Variants in CRPPA observed in about 807,000 individuals in gnomAD.
CRPPA encodes CDP-L-ribitol pyrophosphorylase A, also known as D-ribitol-5-phosphate cytidylyltransferase.
Under a neutral mutation model 52.0 loss-of-function variants are expected in CRPPA, and 43 were observed. The observed-to-expected ratio is 0.83, with a 90% CI of 0.65 to 1.07. CRPPA has a LOEUF of 1.07. Among genes scored for constraint, CRPPA ranks in the 50% least tolerant of loss-of-function variants. The pLI is 0.00. For missense variants in CRPPA, 629 were observed against 551.7 expected, an observed-to-expected ratio of 1.14 and a Z score of -1.40; for synonymous variants, 250 against 203.5, an observed-to-expected ratio of 1.23 and a Z score of -1.94.
At chr7:16,219,248 A>T (rs1265258985) in intron 8 of CRPPA, among the ~76,000 whole-genome samples, 4 of 151,178 alleles carry the variant, frequency 2.6e-5, no homozygotes, top group Non-Finnish European at 5.9e-5. Flanking sequence ...AATCAATGAG[A>T]ACAAAGACAC....
chr7:16,251,599 A>T (rs913830181), intron 8 of CRPPA, among the ~76,000 whole-genome samples: 2 of 152,236 alleles, frequency 1.3e-5, no homozygotes, highest in Non-Finnish European at 2.9e-5. Context: ...AACTACATGG[A>T]AACTGAACAA....
intron 9 of CRPPA, among the ~76,000 whole-genome samples, chr7:16,185,441 C>T (rs1055522661): frequency 5.3e-5 from 8 of 152,090 alleles, no homozygotes; most frequent in African/African-American, 1.9e-4. Flanking sequence ...CACCATGGCT[C>T]ATTTTACTAA....
intron 6 of CRPPA, 29 bp from the exon 7 acceptor site, chr7:16,259,041 C>T (rs766147885): frequency 1.4e-6 from 2 of 1,459,660 alleles, no homozygotes; most frequent in Non-Finnish European, 1.9e-6. Flanking sequence ...AATGAATTCA[C>T]AAATTAGATA....
intron 3 of CRPPA, among the ~76,000 whole-genome samples, chr7:16,337,793 C>T (rs1344098971): frequency 6.6e-6 from 1 of 152,066 alleles, no homozygotes; most frequent in Non-Finnish European, 1.5e-5. Flanking sequence ...TTCCTAAACA[C>T]AGACAACCTA....
chr7:16,411,367 G>A (rs1490657255), intron 1 of CRPPA, among the ~76,000 whole-genome samples: 2 of 151,988 alleles, frequency 1.3e-5, no homozygotes, highest in African/African-American at 4.8e-5. Context: ...GAAAAATCCA[G>A]GAGAGAAAAA....
chr7:16,322,819 G>C (rs1341745599), intron 3 of CRPPA, among the ~76,000 whole-genome samples: 1 of 152,130 alleles, frequency 6.6e-6, no homozygotes, highest in Non-Finnish European at 1.5e-5. Flanking sequence ...AAATACCCGA[G>C]ACTTGGGAAT....
chr7:16,236,628 A>G (rs1782957587), intron 8 of CRPPA, among the ~76,000 whole-genome samples: 1 of 152,164 alleles, frequency 6.6e-6, no homozygotes, highest in Non-Finnish European at 1.5e-5. Context: ...TTAGGTGGCT[A>G]CAGATCTTAA....
intron 2 of CRPPA, among the ~76,000 whole-genome samples, chr7:16,403,136 G>A (rs1336088785): frequency 6.6e-6 from 1 of 151,592 alleles, no homozygotes; most frequent in African/African-American, 2.4e-5. Flanking sequence ...AAATAGTGAG[G>A]GGGGGAAAAA....
At chr7:16,381,013 T>C (rs1284342346) in intron 2 of CRPPA, among the ~76,000 whole-genome samples, 1 of 151,774 alleles carries the variant, frequency 6.6e-6, no homozygotes, top group African/African-American at 2.4e-5. Context: ...TGATTTTAGT[T>C]ATTTCTTGCC....
At chr7:16,181,386 A>T (rs1781409386) in intron 9 of CRPPA, among the ~76,000 whole-genome samples, 1 of 151,962 alleles carries the variant, frequency 6.6e-6, no homozygotes, top group Non-Finnish European at 1.5e-5. Context: ...CTGTTTTATC[A>T]TTCATTAGCT....
intron 9 of CRPPA, among the ~76,000 whole-genome samples, chr7:16,167,255 C>G (rs142901290): frequency 1.4e-4 from 22 of 152,276 alleles, no homozygotes; most frequent in African/African-American, 5.1e-4. Context: ...ACCAACTTCT[C>G]CAAATTTGTA....
intron 9 of CRPPA, 21 bp downstream of exon 9, chr7:16,216,045 G>T: frequency 6.4e-7 from 1 of 1,554,636 alleles, no homozygotes; most frequent in Non-Finnish European, 8.7e-7. Flanking sequence ...CATACATTCG[G>T]AAGATAAACA....
intron 3 of CRPPA, among the ~76,000 whole-genome samples, chr7:16,357,497 T>C (rs1425481271): frequency 6.6e-6 from 1 of 152,150 alleles, no homozygotes; most frequent in Non-Finnish European, 1.5e-5. Flanking sequence ...GGTGATTTTA[T>C]AGATGTGTGC....
At chr7:16,278,301 T>C in intron 5 of CRPPA, 75 bp from the exon 6 acceptor site, 1 of 718,346 alleles carries the variant, frequency 1.4e-6, no homozygotes, top group Non-Finnish European at 2.3e-6. Context: ...AAACATAAAC[T>C]TACCTGATGT....
intron 3 of CRPPA, among the ~76,000 whole-genome samples, chr7:16,360,092 A>T (rs924957022): frequency 6.6e-6 from 1 of 152,250 alleles, no homozygotes; most frequent in Non-Finnish European, 1.5e-5. Flanking sequence ...GCCTAAAGAC[A>T]GATGTTCACG....
intron 3 of CRPPA, among the ~76,000 whole-genome samples, chr7:16,370,111 A>T (rs1433832004): frequency 6.6e-6 from 1 of 152,226 alleles, no homozygotes; most frequent in Admixed American, 6.5e-5. Context: ...TATATTTCAG[A>T]GAAGCCCTCA....
At position 16,286,097 on chromosome 7, in the gene CRPPA, A is replaced by AAAAAATATATATATATAT; in HGVS notation, c.836-7872_836-7871insATATATATATATATTTTT. 1.9e-3 allele frequency among the ~76,000 whole-genome samples: 76 copies of AAAAAATATATATATATAT among 39,110 alleles called. 4 individuals carry two copies. The highest frequency in any genetic ancestry group is 0.029 in the Middle Eastern group (1 of 34). The allele number at this position is 39,110 out of a possible 152,430, so 25.7% of individuals were successfully genotyped here. ...TATATATATAATATTTAAAAAAAAA[A>AAAAAATATATATATATAT]ATATATATATATATATATATGCCAA... On this transcript the variant is annotated intron_variant, in intron 5 of 9. Coordinates refer to ENST00000407010, the MANE Select transcript of CRPPA (RefSeq NM_001101426.4).
At chr7:16,314,754 C>T (rs1305682679) in intron 3 of CRPPA, among the ~76,000 whole-genome samples, 4 of 152,080 alleles carry the variant, frequency 2.6e-5, no homozygotes. Context: ...TGCATGGCTA[C>T]TGAAGAGAAG....
At position 16,333,292 on chromosome 7, in the gene CRPPA, C is replaced by T. The variant is rs575784890; in HGVS notation, c.685-24665G>A. Among the ~76,000 whole-genome samples the T allele has an allele frequency of 4.4e-4, 67 of 152,278 alleles. 1 individual carries two copies. Among genetic ancestry groups the T allele is most frequent in the Admixed American group, 1.3e-3 (20 of 15,298 alleles). ...GAATAGAATTGATATCTATTGACTA[C>T]TTCATCCAACATCATCAAAACACAT... On this transcript the variant is annotated intron_variant, in intron 3 of 9. Transcript: ENST00000407010.
Sources: allele counts gnomAD v4.1 joint callset (sites outside exome capture counted in the v4.1 genomes callset), GRCh38; gene constraint gnomAD v4.1.1; transcripts MANE v1.5; gene names NCBI Gene and HGNC (gene_info 2026-07-23, HGNC 2026-07-21).